FAP: variants seen among roughly 807,000 people sequenced by gnomAD.
FAP encodes fibroblast activation protein alpha.
In FAP, 110 loss-of-function variants were observed where a neutral mutation model predicts 126.5. That is an observed-to-expected ratio of 0.87 (90% CI 0.74 to 1.02). The LOEUF (loss-of-function observed/expected upper bound fraction) is 1.02. FAP is among the 50% of genes least tolerant of loss of function. FAP has a pLI of 0.00. For missense variants in FAP, 919 were observed against 909.2 expected (o/e 1.01, Z -0.14); for synonymous variants, 334 against 297.3 (o/e 1.12, Z -1.27).
In FAP at chr2:162,170,815, C is replaced by T; in HGVS notation, c.*164G>A. ...ACCAGAAAATGTAAACAATATTTAG[C>T]TTGAACTTCTGAGTCCTCATCTTTT... On this transcript the variant is annotated 3_prime_UTR_variant, in exon 26 of 26. Transcript: ENST00000188790. The T allele has an allele frequency of 3.5e-6, 2 of 566,354 alleles. No individual in the cohort carries two copies. 35.1% of individuals were successfully genotyped at this position (566,354 alleles called of 1,614,324 possible). A position where few individuals can be genotyped will look rare whatever the true frequency, so the allele number is the denominator to read the frequency against.
chr2:162,212,670 C>G (rs1688989242), intron 11 of FAP, among the ~76,000 whole-genome samples: 1 of 152,024 alleles, frequency 6.6e-6, no homozygotes, highest in South Asian at 2.1e-4. Context: ...TAGTGATTTA[C>G]TTTGTTTGTT....
At chr2:162,209,702 A>G in intron 12 of FAP, 1 of 457,556 alleles carries the variant, frequency 2.2e-6, no homozygotes, top group Non-Finnish European at 3.9e-6. Context: ...TATAGATACC[A>G]AGGATTCAGT....
At chr2:162,214,711 T>G (rs1048854161) in intron 10 of FAP, among the ~76,000 whole-genome samples, 1 of 151,666 alleles carries the variant, frequency 6.6e-6, no homozygotes, top group Admixed American at 6.6e-5. Context: ...GGAAAATTAA[T>G]GTAAAGGAAA....
chr2:162,176,341 T>C (rs942079973), intron 21 of FAP: 1 of 152,186 alleles, frequency 6.6e-6, no homozygotes, highest in African/African-American at 2.4e-5. Context: ...CTCTGGGGTA[T>C]TTTATTGAAG....
At chr2:162,218,315 C>T (rs1038511315) in intron 8 of FAP, among the ~76,000 whole-genome samples, 175 bp from the exon 9 acceptor site, 6 of 151,728 alleles carry the variant, frequency 4.0e-5, no homozygotes, top group African/African-American at 1.5e-4. Context: ...AATAGTTTAC[C>T]CTTTCACTCT....
chr2:162,217,106 C>G (rs962880606), intron 9 of FAP, among the ~76,000 whole-genome samples: 3 of 152,170 alleles, frequency 2.0e-5, no homozygotes, highest in African/African-American at 7.2e-5. Flanking sequence ...ACACTGTCTG[C>G]AATTCTATTT....
Position 162,170,758 on chromosome 2 carries a change from G to A in FAP, c.*221C>T, listed in dbSNP as rs1043736908. The stretch of plus-strand genomic sequence containing the variant: ...TAAAACACTGTGTCCAAAGCAAAAT[G>A]CATGACTCCCTTTTCTCTTCTTTCA... On this transcript the variant is annotated 3_prime_UTR_variant, in exon 26 of 26. Coordinates refer to ENST00000188790, the MANE Select transcript of FAP (RefSeq NM_004460.5). The A allele has an allele frequency of 3.1e-5, 15 of 478,348 alleles. No homozygotes were observed. The highest frequency in any genetic ancestry group is 2.9e-4 in the African/African-American group (15 of 51,710). 29.6% of individuals were successfully genotyped at this position (478,348 alleles called of 1,614,324 possible).
chr2:162,186,415 T>C (rs1687869247), intron 20 of FAP, among the ~76,000 whole-genome samples: 1 of 152,096 alleles, frequency 6.6e-6, no homozygotes, highest in African/African-American at 2.4e-5. Context: ...ATTTATGGCT[T>C]TGTGTCCTGT....
intron 23 of FAP, 146 bp from the exon 24 acceptor site, chr2:162,173,367 TTCA>T (rs1198836187): frequency 7.6e-6 from 5 of 658,874 alleles, no homozygotes; most frequent in South Asian, 7.3e-5. Flanking sequence ...GCAACACATT[TTCA>T]TCATCATTTG....
At chr2:162,173,346 T>G in intron 23 of FAP, 125 bp from the exon 24 acceptor site, 1 of 716,478 alleles carries the variant, frequency 1.4e-6, no homozygotes, top group South Asian at 1.6e-5. Flanking sequence ...GATAAATATT[T>G]AAGAGTCAGA....
At chr2:162,236,496 T>G (rs76054553) in intron 2 of FAP, among the ~76,000 whole-genome samples, 77 of 152,070 alleles carry the variant, frequency 5.1e-4, no homozygotes, top group Non-Finnish European at 8.1e-4. Flanking sequence ...TCAATCTTTT[T>G]TGGTGTTATA....
At chr2:162,218,192 T>G (rs765154904) in intron 8 of FAP, 52 bp from the exon 9 acceptor site, 1 of 1,203,146 alleles carries the variant, frequency 8.3e-7, no homozygotes, top group South Asian at 1.6e-5. Flanking sequence ...ACTCTTAAAA[T>G]CATTGTAAAT....
chr2:162,209,285 C>T (rs1314897905), intron 12 of FAP, among the ~76,000 whole-genome samples: 1 of 152,080 alleles, frequency 6.6e-6, no homozygotes, highest in Non-Finnish European at 1.5e-5. Flanking sequence ...GCAGCATCTA[C>T]CAACCTTCAC....
At chr2:162,225,674 T>C (rs1191167423) in intron 3 of FAP, 97 bp from the exon 4 acceptor site, 2 of 1,282,202 alleles carry the variant, frequency 1.6e-6, no homozygotes, top group Non-Finnish European at 2.1e-6. Flanking sequence ...ACCTACTTTG[T>C]TTTTCCTCTC....
intron 6 of FAP, among the ~76,000 whole-genome samples, chr2:162,221,238 C>T (rs898398115): frequency 2.0e-5 from 3 of 152,036 alleles, no homozygotes; most frequent in Non-Finnish European, 4.4e-5. Context: ...ATGCAAGAGC[C>T]CAGTTAAAAG....
intron 2 of FAP, among the ~76,000 whole-genome samples, chr2:162,229,306 G>A (rs563918092): frequency 7.2e-5 from 11 of 152,158 alleles, no homozygotes; most frequent in Admixed American, 4.6e-4. Context: ...TAGCATTATC[G>A]TAACTCATCA....
chr2:162,176,926 T>C (rs1406874971), intron 21 of FAP, among the ~76,000 whole-genome samples: 2 of 152,188 alleles, frequency 1.3e-5, no homozygotes, highest in Non-Finnish European at 2.9e-5. Context: ...AGAATGAATA[T>C]AAATTTTCTC....
chr2:162,191,832 G>A (rs1433857916), intron 17 of FAP, among the ~76,000 whole-genome samples: 1 of 152,084 alleles, frequency 6.6e-6, no homozygotes, highest in Non-Finnish European at 1.5e-5. Context: ...ACGGAATCTG[G>A]TTCAAGTACT....
At chr2:162,172,755 C>T in intron 25 of FAP, 56 bp downstream of exon 25, 1 of 1,165,190 alleles carries the variant, frequency 8.6e-7, no homozygotes, top group East Asian at 2.4e-5. Flanking sequence ...ATATGAACCC[C>T]TCCTTTTAGC....
Sources: allele counts gnomAD v4.1 joint callset (sites outside exome capture counted in the v4.1 genomes callset), GRCh38; gene constraint gnomAD v4.1.1; transcripts MANE v1.5; gene names NCBI Gene and HGNC (gene_info 2026-07-23, HGNC 2026-07-21).